The following ZNF649 variants were observed in gnomAD, a reference collection of about 807,000 sequenced individuals.
ZNF649 encodes zinc finger protein 649.
In ZNF649, 7 loss-of-function variants were observed where a neutral mutation model predicts 14.1. That is an observed-to-expected ratio of 0.49 (90% CI 0.28 to 0.93). The LOEUF is 0.93. Among genes scored for constraint, ZNF649 ranks in the 40% least tolerant of loss-of-function variants. The probability of loss-of-function intolerance (pLI) is 0.10; values close to 1 mark genes in which losing one functional copy is unlikely to be tolerated. For missense variants in ZNF649, 544 were observed against 608.1 expected (o/e 0.89, Z 1.11); for synonymous variants, 227 against 212.3 (o/e 1.07, Z -0.60).
At position 51,889,393 on chromosome 19, in the gene ZNF649, G is replaced by C. The variant is rs775355169; in HGVS notation, c.*1225C>G. ...AACATTCATTTCTCACGTTCCAGAGGCTGAGGAGTCTCTAGAACTGGACTC... is the reference window on the plus strand; with the variant it reads ...AACATTCATTTCTCACGTTCCAGAGCCTGAGGAGTCTCTAGAACTGGACTC... On this transcript the variant is annotated 3_prime_UTR_variant, in exon 5 of 5. Coordinates refer to ENST00000354957, the MANE Select transcript of ZNF649 (RefSeq NM_023074.4). The C allele has an allele frequency of 2.6e-5, 4 of 152,212 alleles. No individual in the cohort carries two copies. Among genetic ancestry groups the C allele is most frequent in the Non-Finnish European group, 5.9e-5 (4 of 68,054 alleles). The allele number at this position is 152,212 out of a possible 1,614,324, so 9.4% of individuals were successfully genotyped here.
At position 51,900,251 on chromosome 19, in the gene ZNF649, C is replaced by A; in HGVS notation, c.-144G>T. On this transcript the variant is annotated 5_prime_UTR_variant, in exon 2 of 5. In the 5' UTR this introduces an upstream ATG that the reference lacks. Coordinates refer to ENST00000354957, the MANE Select transcript of ZNF649 (RefSeq NM_023074.4). ...GATGACATCCACATCCAGGAACCTCCTCCTTCCTTCATTTGAACTCTCTTG... is the reference window on the plus strand; with the variant it reads ...GATGACATCCACATCCAGGAACCTCATCCTTCCTTCATTTGAACTCTCTTG... 1.7e-6 allele frequency: 1 copy of A among 596,878 alleles called. No homozygotes were observed. Among genetic ancestry groups the A allele is most frequent in the Non-Finnish European group, 2.7e-6 (1 of 367,784 alleles). 37.0% of individuals were successfully genotyped at this position (596,878 alleles called of 1,614,324 possible).
rs1018988495 is a variant in ZNF649 at position 51,900,214 on chromosome 19, G to A, written c.-107C>T. On this transcript the variant is annotated 5_prime_UTR_variant, in exon 2 of 5. Coordinates refer to ENST00000354957, the MANE Select transcript of ZNF649 (RefSeq NM_023074.4). The stretch of plus-strand genomic sequence containing the variant: ...GAAATCTGAGTCTCCATTTAAGAGT[G>A]TTCCCAGAAATGATGACATCCACAT... The A allele has an allele frequency of 8.4e-6, 8 of 952,336 alleles. No homozygotes were observed. Among genetic ancestry groups the A allele is most frequent in the Non-Finnish European group, 1.2e-5 (8 of 676,868 alleles). The allele number at this position is 952,336 out of a possible 1,614,324, so 59.0% of individuals were successfully genotyped here. A position where few individuals can be genotyped will look rare whatever the true frequency, so the allele number is the denominator to read the frequency against.
rs1296938828 is a variant in ZNF649, at chr19:51,897,171, A to T, written c.16-193T>A. 4.5e-6 allele frequency: 3 copies of T among 663,284 alleles called. No homozygotes were observed. In the Admixed American group the frequency reaches 8.8e-5, roughly 20 times the overall value. The allele number at this position is 663,284 out of a possible 1,614,324, so 41.1% of individuals were successfully genotyped here. Reference sequence around the variant, plus strand: ...TCATGACCTACAGTTGGCCTAGTGGAATCTGCTTATGTTACTCTGTATAAG... The same window carrying T: ...TCATGACCTACAGTTGGCCTAGTGGTATCTGCTTATGTTACTCTGTATAAG... On this transcript the variant is annotated intron_variant, in intron 2 of 4. Transcript: ENST00000354957.
intron 4 of ZNF649, among the ~76,000 whole-genome samples, chr19:51,893,843 C>G (rs1302533752): frequency 6.6e-6 from 1 of 152,184 alleles, no homozygotes; most frequent in East Asian, 1.9e-4. Context: ...ACTTCTGAAT[C>G]AAGACTTGAG....
chr19:51,897,017 A>G lies in ZNF649; in HGVS notation c.16-39T>C, dbSNP rs917775042. 8 of 1,612,216 alleles carry G rather than the reference A, an allele frequency of 5.0e-6. No individual in the cohort carries two copies. In the African/African-American group the frequency reaches 9.4e-5, roughly 19 times the overall value. On this transcript the variant is annotated intron_variant, in intron 2 of 4. Transcript: ENST00000354957. Reference sequence around the variant, plus strand: ...GTCCTGCTTAATATGTTTCTCTTTTATTGACATGGAAGAAATATGAAGTTG... The same window carrying G: ...GTCCTGCTTAATATGTTTCTCTTTTGTTGACATGGAAGAAATATGAAGTTG...
At chr19:51,897,655 TAC>T (rs2085071206) in intron 2 of ZNF649, among the ~76,000 whole-genome samples, 1 of 152,310 alleles carries the variant, frequency 6.6e-6, no homozygotes, top group Admixed American at 6.5e-5. Flanking sequence ...AACGCATGTA[TAC>T]ACACACATAC....
chr19:51,898,748 T>TA (rs1156665614), intron 2 of ZNF649, among the ~76,000 whole-genome samples: 256 of 137,584 alleles, frequency 1.9e-3, no homozygotes, highest in Middle Eastern at 3.7e-3. Flanking sequence ...CTGTCTCTAC[T>TA]AAAAAAAAAA....
At position 51,891,616 on chromosome 19, in the gene ZNF649, T is replaced by C. The variant is rs376994779; in HGVS notation, c.520A>G (p.Ile174Val). Residue 174 changes from isoleucine (I) to valine (V), a missense_variant, in exon 5 of 5, where the codon ATA (isoleucine) becomes GTA (valine). Transcript: ENST00000354957. The surrounding 1 kb of genome is among the most constrained non-coding windows in gnomAD (Gnocchi z 4.2). ...TCAGTGCATTCATGGGCTTTCTCTA[T>C]GTTGTGTGTTTGCTGATGTTTAAGG... ...QFLKHQQTHN[I>V]EKAHECTDCG... 1.2e-5 allele frequency: 20 copies of C among 1,614,214 alleles called. No individual in the cohort carries two copies. The highest frequency in any genetic ancestry group is 1.7e-5 in the Non-Finnish European group (20 of 1,180,038).
chr19:51,896,402 C>G (rs2085062516), intron 4 of ZNF649, 70 bp downstream of exon 4: 2 of 1,372,404 alleles, frequency 1.5e-6, no homozygotes, highest in Non-Finnish European at 2.1e-6. Context: ...TCACAACTGT[C>G]ATGCCTTCTC....
chr19:51,891,873 A>G lies in ZNF649; in HGVS notation c.263T>C (p.Leu88Pro), dbSNP rs1308537151. Residue 88 changes from leucine to proline, a missense_variant, in exon 5 of 5, where the codon CTG (leucine) becomes CCG (proline). Leu to Pro is a moderately conservative substitution (Grantham distance 98, BLOSUM62 -3). Transcript: ENST00000354957. The surrounding 1 kb of genome is among the most constrained non-coding windows in gnomAD (Gnocchi z 4.2). ...TTTTTGGTTTTGCAAGGGCTGCTGC[A>G]GATGATCATCAGCTTTCTCAATTTC... ...HPEIEKADDHLQQPLQNQKIL... is the reference protein window; with the variant it reads ...HPEIEKADDHPQQPLQNQKIL... 1 of 1,570,758 alleles carries G rather than the reference A, an allele frequency of 6.4e-7. No homozygotes were observed. The highest frequency in any genetic ancestry group is 8.6e-7 in the Non-Finnish European group (1 of 1,165,396).
chr19:51,890,803 G>C lies in ZNF649; in HGVS notation c.1333C>G (p.Leu445Val). Reference protein sequence around the residue: ...CEKAYFYMSCLVKHKRIHSRE... With the variant: ...CEKAYFYMSCVVKHKRIHSRE... Reference sequence around the variant, plus strand: ...GAGTGTATTCTCTTATGTTTAACAAGGCAAGACATATAGAAGTAAGCTTTC... The same window carrying C: ...GAGTGTATTCTCTTATGTTTAACAACGCAAGACATATAGAAGTAAGCTTTC... The change falls in exon 5 of 5, where the codon CTT (leucine) becomes GTT (valine). Residue 445 changes from leucine to valine, a missense_variant. By Grantham distance (32) the Leu-to-Val change is conservative (BLOSUM62 1). Transcript: ENST00000354957. The C allele has an allele frequency of 6.2e-7, 1 of 1,614,210 alleles. No individual in the cohort carries two copies. Among genetic ancestry groups the C allele is most frequent in the Non-Finnish European group, 8.5e-7 (1 of 1,180,042 alleles).
At chr19:51,892,832 T>C (rs2085033301) in intron 4 of ZNF649, among the ~76,000 whole-genome samples, 4 of 152,164 alleles carry the variant, frequency 2.6e-5, no homozygotes. Context: ...AACTATAAAC[T>C]AGGTCTAAGG....
chr19:51,891,410 G>C lies in ZNF649; in HGVS notation c.726C>G (p.Ala242=), dbSNP rs769606017. 2 of 1,614,192 alleles carry C rather than the reference G, an allele frequency of 1.2e-6. No homozygotes were observed. The highest frequency in any genetic ancestry group is 2.2e-5 in the South Asian group (2 of 91,086). The change falls in exon 5 of 5, where the codon GCC becomes GCG. Residue 242 remains alanine, a synonymous_variant. Coordinates refer to ENST00000354957, the MANE Select transcript of ZNF649 (RefSeq NM_023074.4). The surrounding 1 kb of genome is among the most constrained non-coding windows in gnomAD (Gnocchi z 4.2). ...KPHGCSLCGK[A]FYKRYRLTEH... The stretch of plus-strand genomic sequence containing the variant: ...CAGTGAGCCTGTACCTCTTGTAGAA[G>C]GCTTTCCCACACAAGCTACACCCGT...
chr19:51,896,795 G>T, intron 3 of ZNF649, 57 bp downstream of exon 3: 5 of 1,614,122 alleles, frequency 3.1e-6, no homozygotes, highest in Non-Finnish European at 4.2e-6. Flanking sequence ...CAGAAGCTGA[G>T]AAAGCAAAGG....
At position 51,891,434 on chromosome 19, in the gene ZNF649, G is replaced by A. The variant is rs200369720; in HGVS notation, c.702C>T (p.His234=). The change falls in exon 5 of 5, where the codon CAC becomes CAT. Residue 234 remains histidine, a synonymous_variant. Coordinates refer to ENST00000354957, the MANE Select transcript of ZNF649 (RefSeq NM_023074.4). The surrounding 1 kb of genome is among the most constrained non-coding windows in gnomAD (Gnocchi z 4.2). ...AGGCTTTCCCACACAAGCTACACCC[G>A]TGGGGTTTCTCTCCTCTGTGAGCTC... The part of the protein sequence containing the change: ...HERAHRGEKP[H]GCSLCGKAFY... The A allele has an allele frequency of 1.7e-5, 28 of 1,613,822 alleles. 1 individual carries two copies. Among genetic ancestry groups the A allele is most frequent in the Middle Eastern group, 1.7e-4 (1 of 6,056 alleles).
chr19:51,891,692 C>A lies in ZNF649; in HGVS notation c.444G>T (p.Thr148=), dbSNP rs759717090. ...TTCTACTTTCAGGGAATTCAATTTC[C>A]GTAGGCATTTGTTCATGATTATCAT... ...FLHDNHEQMP[T]EIEFPESRKP... Residue 148 remains threonine, a synonymous_variant, in exon 5 of 5, where the codon ACG becomes ACT. Coordinates refer to ENST00000354957, the MANE Select transcript of ZNF649 (RefSeq NM_023074.4). The surrounding 1 kb of genome is among the most constrained non-coding windows in gnomAD (Gnocchi z 4.2). 1 of 1,613,516 alleles carries A rather than the reference C, an allele frequency of 6.2e-7. No individual in the cohort carries two copies. The highest frequency in any genetic ancestry group is 8.5e-7 in the Non-Finnish European group (1 of 1,179,878).
chr19:51,895,210 T>C (rs2085053147), intron 4 of ZNF649, among the ~76,000 whole-genome samples: 1 of 152,088 alleles, frequency 6.6e-6, no homozygotes, highest in South Asian at 2.1e-4. Context: ...ACATGGAAGA[T>C]ATTATTATAT....
intron 1 of ZNF649, among the ~76,000 whole-genome samples, chr19:51,903,097 A>G (rs2085104144): frequency 6.6e-6 from 1 of 152,150 alleles, no homozygotes; most frequent in Non-Finnish European, 1.5e-5. Context: ...AGCACAGAGC[A>G]AGGTTTGTAG....
At chr19:51,896,628 A>G (rs1449012927) in intron 3 of ZNF649, 61 bp from the exon 4 acceptor site, 1 of 1,575,218 alleles carries the variant, frequency 6.3e-7, no homozygotes, top group Non-Finnish European at 8.7e-7. Flanking sequence ...GGCTCTGATG[A>G]TAGGAGAAAG....
Sources: allele counts gnomAD v4.1 joint callset (sites outside exome capture counted in the v4.1 genomes callset), GRCh38; gene constraint gnomAD v4.1.1; non-coding constraint Gnocchi (gnomAD v3.1); transcripts MANE v1.5; gene names NCBI Gene and HGNC (gene_info 2026-07-23, HGNC 2026-07-21).